The following ZNF678 variants were observed in gnomAD, a reference collection of about 807,000 sequenced individuals.
ZNF678 encodes the protein zinc finger protein 678.
In ZNF678, 5 loss-of-function variants were observed where a neutral mutation model predicts 3.0. The observed-to-expected ratio is 1.69, with a 90% CI of 0.88 to 3.56. The LOEUF is 3.56. Ranked by LOEUF, ZNF678 falls within the 30% of genes most tolerant of loss-of-function variation. ZNF678 has a pLI of 0.00. For missense variants in ZNF678, 593 were observed against 605.0 expected (o/e 0.98, Z 0.21); for synonymous variants, 218 against 199.6 (o/e 1.09, Z -0.78).
intron 1 of ZNF678, among the ~76,000 whole-genome samples, chr1:227,599,668 G>A (rs565080254): frequency 9.6e-4 from 146 of 151,346 alleles, no homozygotes; most frequent in South Asian, 4.4e-3. Context: ...TTTTTTTCCC[G>A]GCTACCATAT....
intron 3 of ZNF678, among the ~76,000 whole-genome samples, chr1:227,653,211 C>G (rs933743106): frequency 1.3e-4 from 19 of 151,954 alleles, no homozygotes; most frequent in Non-Finnish European, 4.4e-5. Flanking sequence ...TCTGTGATTT[C>G]AAAATCTTGC....
Position 227,599,174 on chromosome 1 carries a change from G to C in ZNF678, c.-164+35450G>C, listed in dbSNP as rs186360468. ...CCTCCAGTTCTAGAATCATTTTCTT[G>C]TTCAAATAACCTTTGTTAAATTTAA... On this transcript the variant is annotated intron_variant, in intron 1 of 3. Coordinates refer to ENST00000343776, the MANE Select transcript of ZNF678 (RefSeq NM_001367909.1). 1,419 of 1,188,922 alleles carry C rather than the reference G, an allele frequency of 1.2e-3. No homozygotes were observed. In the Middle Eastern group the frequency reaches 0.012, roughly 10 times the overall value. The allele number at this position is 1,188,922 out of a possible 1,614,324, so 73.6% of individuals were successfully genotyped here. A position where few individuals can be genotyped will look rare whatever the true frequency, so the allele number is the denominator to read the frequency against.
chr1:227,593,587 G>C (rs2102741070), intron 1 of ZNF678, among the ~76,000 whole-genome samples: 1 of 152,210 alleles, frequency 6.6e-6, no homozygotes, highest in Non-Finnish European at 1.5e-5. Flanking sequence ...AGGGACAGAA[G>C]TACTTTTCTG....
Position 227,590,614 on chromosome 1 carries a change from A to C in ZNF678, c.-164+26890A>C, listed in dbSNP as rs557561515. ...ATGCTTCTCTTTTCGCAGGAAGCATAGACAGGGAAGCCCAGGAGTTCGCCT... is the reference window on the plus strand; with the variant it reads ...ATGCTTCTCTTTTCGCAGGAAGCATCGACAGGGAAGCCCAGGAGTTCGCCT... On this transcript the variant is annotated intron_variant, in intron 1 of 3. Transcript: ENST00000343776. Among the ~76,000 whole-genome samples the C allele has an allele frequency of 4.9e-4, 74 of 151,948 alleles. 1 individual carries two copies. Among genetic ancestry groups the C allele is most frequent in the Admixed American group, 9.8e-4 (15 of 15,242 alleles).
At chr1:227,596,471 A>G (rs1657591804) in intron 1 of ZNF678, among the ~76,000 whole-genome samples, 2 of 152,172 alleles carry the variant, frequency 1.3e-5, no homozygotes, top group Admixed American at 6.5e-5. Flanking sequence ...CTTCCATACA[A>G]TGTCTGGAAT....
chr1:227,622,006 C>G (rs1360081735), intron 1 of ZNF678, among the ~76,000 whole-genome samples: 1 of 152,192 alleles, frequency 6.6e-6, no homozygotes, highest in Non-Finnish European at 1.5e-5. Flanking sequence ...TTACCCCAAA[C>G]TATATTTTGT....
chr1:227,642,963 A>C (rs57927096), intron 1 of ZNF678, among the ~76,000 whole-genome samples: 34,544 of 152,100 alleles, frequency 0.23, 4,144 homozygotes, highest in African/African-American at 0.28. Flanking sequence ...TGGAGCTGTC[A>C]TGGCTCCATC....
rs1163826559 is a variant in ZNF678, at chr1:227,651,068, T to C, written c.77T>C (p.Val26Ala). The change falls in exon 3 of 4, where the codon GTT becomes GCT. Residue 26 changes from valine to alanine, a missense_variant. Coordinates refer to ENST00000343776, the MANE Select transcript of ZNF678 (RefSeq NM_001367909.1). ...ACCTCTACCAGTTTTTATAAACTGGTTTATACAGGTAAAGATTTTATCCTA... is the reference window on the plus strand; with the variant it reads ...ACCTCTACCAGTTTTTATAAACTGGCTTATACAGGTAAAGATTTTATCCTA... ...ANTSTSFYKL[V>A]YTAILSYSIQ... 3 of 1,613,428 alleles carry C rather than the reference T, an allele frequency of 1.9e-6. No individual in the cohort carries two copies. Among genetic ancestry groups the C allele is most frequent in the East Asian group, 2.2e-5 (1 of 44,872 alleles).
chr1:227,592,214 G>A (rs569353058), intron 1 of ZNF678, among the ~76,000 whole-genome samples: 3 of 152,370 alleles, frequency 2.0e-5, no homozygotes, highest in East Asian at 1.9e-4. Flanking sequence ...CACAGAGCAA[G>A]CTTTGGTATC....
Position 227,656,037 on chromosome 1 carries a change from A to T in ZNF678, c.*209A>T, listed in dbSNP as rs1659240570. The T allele has an allele frequency of 2.5e-6, 1 of 398,248 alleles. No individual in the cohort carries two copies. Among genetic ancestry groups the T allele is most frequent in the African/African-American group, 2.1e-5 (1 of 48,250 alleles). 24.7% of individuals were successfully genotyped at this position (398,248 alleles called of 1,614,324 possible). On this transcript the variant is annotated 3_prime_UTR_variant, in exon 4 of 4. Transcript: ENST00000343776. ...TCTGTACTAGAGGAAAAACCCTTAA[A>T]CAATTATTCAGACTTTATTCAACTT...
At chr1:227,607,848 C>G (rs548936988) in intron 1 of ZNF678, among the ~76,000 whole-genome samples, 1 of 148,920 alleles carries the variant, frequency 6.7e-6, no homozygotes, top group African/African-American at 2.4e-5. Context: ...ATAGCACATA[C>G]GTTCATTCAG....
intron 1 of ZNF678, among the ~76,000 whole-genome samples, chr1:227,569,093 G>T (rs1387324403): frequency 3.3e-5 from 5 of 152,148 alleles, no homozygotes; most frequent in Non-Finnish European, 5.9e-5. Flanking sequence ...TTGGGCTCAA[G>T]GACTTCCTGC....
At chr1:227,645,837 T>A (rs1006782886) in intron 1 of ZNF678, among the ~76,000 whole-genome samples, 1 of 152,214 alleles carries the variant, frequency 6.6e-6, no homozygotes, top group Admixed American at 6.5e-5. Context: ...ATTCACTAGG[T>A]TAAGGTGCTC....
chr1:227,594,527 T>C (rs1442933609), intron 1 of ZNF678, among the ~76,000 whole-genome samples: 2 of 152,236 alleles, frequency 1.3e-5, no homozygotes, highest in African/African-American at 4.8e-5. Context: ...AGAATTTTCT[T>C]TCCAATTAAC....
intron 1 of ZNF678, chr1:227,598,579 C>T (rs1024351638): frequency 8.8e-6 from 6 of 681,958 alleles, no homozygotes; most frequent in African/African-American, 7.4e-5. Flanking sequence ...AACTGTGATT[C>T]TGACAAGGAC....
chr1:227,583,233 A>G (rs1657175186), intron 1 of ZNF678, among the ~76,000 whole-genome samples: 1 of 152,180 alleles, frequency 6.6e-6, no homozygotes, highest in Non-Finnish European at 1.5e-5. Context: ...TTCAGTAGAC[A>G]TCCAGGCAAC....
At chr1:227,607,933 G>C (rs146721469) in intron 1 of ZNF678, among the ~76,000 whole-genome samples, 96 of 151,094 alleles carry the variant, frequency 6.4e-4, no homozygotes, top group African/African-American at 2.1e-3. Flanking sequence ...TTAGTATATA[G>C]GAAAAATTGA....
intron 5 of ZNF678, among the ~76,000 whole-genome samples, chr1:227,676,718 G>T (rs143293775): frequency 0.019 from 2,473 of 130,556 alleles, 72 homozygotes; most frequent in African/African-American, 0.069. Context: ...TCCCCTTCCT[G>T]TGTCCATGTG....
In ZNF678 at chr1:227,655,040, C is replaced by CCTTA. The variant is rs1659193281; in HGVS notation, c.792_795dup (p.Lys266LeufsTer4). Reference sequence around the variant, plus strand: ...TAAGAGAATTCATACTGGAGAGAAACCTTACAAGTGTGAAGAATGTGGCAA... The same window carrying CCTTA: ...TAAGAGAATTCATACTGGAGAGAAACCTTACTTACAAGTGTGAAGAATGTGGCAA... On this transcript the variant is annotated frameshift_variant, in exon 4 of 4. Transcript: ENST00000343776. LOFTEE classifies it low-confidence loss of function (END_TRUNC). 1 of 1,612,074 alleles carries CCTTA rather than the reference C, an allele frequency of 6.2e-7. No individual in the cohort carries two copies. Among genetic ancestry groups the CCTTA allele is most frequent in the Non-Finnish European group, 8.5e-7 (1 of 1,179,342 alleles).
Sources: gnomAD v4.1 joint callset for allele counts (sites outside exome capture counted in the v4.1 genomes callset) on GRCh38, gnomAD v4.1.1 for gene constraint, MANE v1.5 for transcripts, NCBI Gene and HGNC (gene_info 2026-07-23, HGNC 2026-07-21) for gene names.